The following MACROD2 variants were observed in gnomAD, a reference collection of about 807,000 sequenced individuals.
MACROD2 encodes mono-ADP ribosylhydrolase 2.
MACROD2 carries 36 observed loss-of-function variants against 70.4 expected under a neutral mutation model. The observed-to-expected ratio is 0.51, with a 90% CI of 0.39 to 0.68. The LOEUF is 0.68. Among genes scored for constraint, MACROD2 ranks in the 30% least tolerant of loss-of-function variants. The pLI, the probability that MACROD2 is intolerant of heterozygous loss-of-function variation, is 0.00. For synonymous variants in MACROD2, 172 were observed against 178.8 expected, an observed-to-expected ratio of 0.96 and a Z score of 0.30; for missense variants, 496 against 538.4, an observed-to-expected ratio of 0.92 and a Z score of 0.78.
chr20:15,176,878 G>T (rs753166807), intron 5 of MACROD2, among the ~76,000 whole-genome samples: 10 of 152,132 alleles, frequency 6.6e-5, no homozygotes, highest in Non-Finnish European at 1.2e-4. Context: ...CCTCTTTGGG[G>T]CTCTGTGGTT....
intron 3 of MACROD2, among the ~76,000 whole-genome samples, chr20:14,486,343 C>T (rs2084730057): frequency 6.6e-6 from 1 of 152,056 alleles, no homozygotes; most frequent in East Asian, 1.9e-4. Context: ...CTAATCTCTC[C>T]TGTCATCTGC....
At chr20:15,399,285 T>C in intron 6 of MACROD2, among the ~76,000 whole-genome samples, 1 of 152,206 alleles carries the variant, frequency 6.6e-6, no homozygotes, top group Non-Finnish European at 1.5e-5. Context: ...ACAGCCACCA[T>C]GGTTTTATCC....
Position 14,109,301 on chromosome 20 carries a change from G to T in MACROD2, c.271+23573G>T, listed in dbSNP as rs569058436. 9.2e-5 allele frequency among the ~76,000 whole-genome samples: 14 copies of T among 151,688 alleles called. No homozygotes were observed. The South Asian group carries it at 2.9e-3, about 32-fold the overall frequency. On this transcript the variant is annotated intron_variant, in intron 3 of 17. Transcript: ENST00000684519. ...AGCTAAAAGTTCCTACATTAATAAAGAAGAAAAACTTCAAATAAATAACCT... is the reference window on the plus strand; with the variant it reads ...AGCTAAAAGTTCCTACATTAATAAATAAGAAAAACTTCAAATAAATAACCT...
intron 6 of MACROD2, 97 bp downstream of exon 6, chr20:15,230,158 C>A: frequency 8.4e-7 from 1 of 1,188,438 alleles, no homozygotes; most frequent in Non-Finnish European, 1.1e-6. Flanking sequence ...CATTTCCAAA[C>A]TTTTGAGAAC....
chr20:14,132,078 C>T (rs940828721), intron 3 of MACROD2, among the ~76,000 whole-genome samples: 6 of 147,964 alleles, frequency 4.1e-5, no homozygotes, highest in Non-Finnish European at 7.4e-5. Flanking sequence ...TTGCAGTGAG[C>T]CAAGATCACG....
At chr20:15,949,473 C>T (rs1034015322) in intron 12 of MACROD2, among the ~76,000 whole-genome samples, 1 of 152,130 alleles carries the variant, frequency 6.6e-6, no homozygotes, top group Non-Finnish European at 1.5e-5. Context: ...CAGCCCCTGA[C>T]CATCAAGATG....
At chr20:15,846,444 G>A (rs1002292749) in intron 8 of MACROD2, among the ~76,000 whole-genome samples, 3 of 152,066 alleles carry the variant, frequency 2.0e-5, no homozygotes, top group African/African-American at 4.8e-5. Flanking sequence ...CAAAGTGAAG[G>A]CAGCACACAC....
chr20:15,564,499 C>T (rs2048286282), intron 8 of MACROD2, among the ~76,000 whole-genome samples: 1 of 152,158 alleles, frequency 6.6e-6, no homozygotes, highest in South Asian at 2.1e-4. Context: ...GTACCTCTGA[C>T]ATTACTTATA....
At chr20:15,598,252 C>T (rs2048772198) in intron 8 of MACROD2, among the ~76,000 whole-genome samples, 1 of 152,142 alleles carries the variant, frequency 6.6e-6, no homozygotes, top group Non-Finnish European at 1.5e-5. Context: ...TTGTGAAATA[C>T]TGTATCTAGT....
intron 8 of MACROD2, among the ~76,000 whole-genome samples, chr20:15,579,480 G>A (rs2048494646): frequency 6.6e-6 from 1 of 152,168 alleles, no homozygotes; most frequent in Non-Finnish European, 1.5e-5. Context: ...CAAGCAGAAT[G>A]AAATGAGCTA....
At chr20:14,852,076 G>A (rs933198882) in intron 5 of MACROD2, among the ~76,000 whole-genome samples, 1 of 152,150 alleles carries the variant, frequency 6.6e-6, no homozygotes, top group African/African-American at 2.4e-5. Flanking sequence ...CAAGGGGAGA[G>A]CAGAGATTGG....
chr20:15,213,333 G>A (rs1362200277), intron 5 of MACROD2, among the ~76,000 whole-genome samples: 2 of 151,956 alleles, frequency 1.3e-5, no homozygotes, highest in Admixed American at 6.6e-5. Flanking sequence ...AAAGGGATCT[G>A]TTATATTTTC....
intron 5 of MACROD2, among the ~76,000 whole-genome samples, chr20:14,693,864 CG>C (rs2071090206): frequency 6.6e-6 from 1 of 152,076 alleles, no homozygotes; most frequent in African/African-American, 2.4e-5. Flanking sequence ...TACGCAGAAC[CG>C]CTTCTTAATA....
rs536127136 is a variant in MACROD2, at chr20:15,331,508, G to A, written c.541-99897G>A. On this transcript the variant is annotated intron_variant, in intron 6 of 17. Transcript: ENST00000684519. ...AAGAATTAGTTAACTTCAAAGAGAT[G>A]CCTTGGAAATTTTATCTTAAAAATT... Among the ~76,000 whole-genome samples the A allele has an allele frequency of 1.8e-3, 279 of 151,618 alleles. 9 individuals carry two copies. The highest frequency in any genetic ancestry group is 6.5e-3 in the African/African-American group (265 of 41,050).
At chr20:14,268,532 A>G (rs2082163362) in intron 3 of MACROD2, among the ~76,000 whole-genome samples, 2 of 152,052 alleles carry the variant, frequency 1.3e-5, no homozygotes, top group Admixed American at 1.3e-4. Flanking sequence ...GATTAGATTT[A>G]TTTTCCTTTT....
intron 7 of MACROD2, among the ~76,000 whole-genome samples, chr20:15,496,165 G>A (rs561719935): frequency 1.3e-5 from 2 of 152,296 alleles, no homozygotes; most frequent in East Asian, 3.9e-4. Context: ...TGATTGTGAT[G>A]CTTGTGATGC....
chr20:15,825,133 G>C (rs942487020), intron 8 of MACROD2, among the ~76,000 whole-genome samples: 1 of 152,168 alleles, frequency 6.6e-6, no homozygotes, highest in Non-Finnish European at 1.5e-5. Context: ...ATGGTTTTGA[G>C]AGATTAAAAA....
At chr20:15,541,597 C>T (rs1368011164) in intron 8 of MACROD2, among the ~76,000 whole-genome samples, 2 of 152,124 alleles carry the variant, frequency 1.3e-5, no homozygotes, top group East Asian at 1.9e-4. Flanking sequence ...TGAGGTTTCA[C>T]CTAACAGTTT....
At chr20:15,313,183 C>A (rs1307678263) in intron 6 of MACROD2, among the ~76,000 whole-genome samples, 1 of 152,128 alleles carries the variant, frequency 6.6e-6, no homozygotes, top group African/African-American at 2.4e-5. Context: ...AAAGTTTTCA[C>A]TGAAAAAATG....
Sources: gnomAD v4.1 joint callset for allele counts (sites outside exome capture counted in the v4.1 genomes callset) on GRCh38, gnomAD v4.1.1 for gene constraint, MANE v1.5 for transcripts, NCBI Gene and HGNC (gene_info 2026-07-23, HGNC 2026-07-21) for gene names.